The following PTPRN2 variants were observed in gnomAD, a reference collection of about 807,000 sequenced individuals.
The protein encoded by PTPRN2 is receptor-type tyrosine-protein phosphatase N2.
A neutral mutation model predicts 118.8 loss-of-function variants in PTPRN2; 74 were observed. That is an observed-to-expected ratio of 0.62 (90% CI 0.52 to 0.76). The LOEUF (loss-of-function observed/expected upper bound fraction) is 0.76. Among genes scored for constraint, PTPRN2 ranks in the 30% least tolerant of loss-of-function variants. PTPRN2 has a pLI of 0.00. For missense variants in PTPRN2, 1,481 were observed against 1,394.4 expected, an observed-to-expected ratio of 1.06 and a Z score of -0.99; for synonymous variants, 641 against 608.0, an observed-to-expected ratio of 1.05 and a Z score of -0.80.
chr7:158,459,352 G>C (rs1353620811), intron 2 of PTPRN2, among the ~76,000 whole-genome samples: 1 of 118,400 alleles, frequency 8.4e-6, no homozygotes, highest in Non-Finnish European at 1.9e-5. Flanking sequence ...ACAGGCTCCA[G>C]AATCCAGAGG....
chr7:157,710,824 G>A (rs12698106), intron 12 of PTPRN2, among the ~76,000 whole-genome samples: 8,832 of 118,320 alleles, frequency 0.075, 1,659 homozygotes, highest in Non-Finnish European at 0.12. Flanking sequence ...CGGAGGTTCC[G>A]GGGCAGCCGG....
chr7:158,266,157 G>A (rs1209388604), intron 3 of PTPRN2, among the ~76,000 whole-genome samples: 7 of 796 alleles, frequency 8.8e-3, no homozygotes, highest in African/African-American at 0.027. Flanking sequence ...CGTCTGCTGC[G>A]GGGTATTGTC....
chr7:158,092,213 T>C (rs911100841), intron 10 of PTPRN2, among the ~76,000 whole-genome samples: 1 of 151,294 alleles, frequency 6.6e-6, no homozygotes, highest in African/African-American at 2.4e-5. Flanking sequence ...TGCATATATA[T>C]ATATACACAC....
chr7:157,975,345 G>T (rs1802661136), intron 11 of PTPRN2, among the ~76,000 whole-genome samples: 2 of 152,140 alleles, frequency 1.3e-5, no homozygotes, highest in South Asian at 2.1e-4. Flanking sequence ...CTGGATGCCA[G>T]CCCCTGTCTC....
At chr7:158,325,681 A>T (rs1803445667) in intron 2 of PTPRN2, among the ~76,000 whole-genome samples, 1 of 152,196 alleles carries the variant, frequency 6.6e-6, no homozygotes, top group African/African-American at 2.4e-5. Context: ...GAGGCGTGGG[A>T]GGCTGTATTC....
rs1803987120 is a variant in PTPRN2, at chr7:157,785,661, A to G, written c.1789-102724T>C. Among the ~76,000 whole-genome samples, 2 of 152,130 alleles carry G rather than the reference A, an allele frequency of 1.3e-5. No homozygotes were observed. Among genetic ancestry groups the G allele is most frequent in the African/African-American group, 4.8e-5 (2 of 41,430 alleles). ...CGGTGGGCAGAGGGCAGAGACGGAG[A>G]CCGTGGGCACAGCACACCAAGGGGG... is the stretch of plus-strand genomic sequence containing the variant. On this transcript the variant is annotated intron_variant, in intron 12 of 22. Transcript: ENST00000389418. The surrounding 1 kb of genome is among the most constrained non-coding windows in gnomAD (Gnocchi z 7.3).
chr7:157,641,750 G>A (rs988324137), intron 14 of PTPRN2, among the ~76,000 whole-genome samples: 4 of 152,164 alleles, frequency 2.6e-5, no homozygotes, highest in African/African-American at 9.7e-5. Context: ...TGCATCCTAA[G>A]TGCTCCCACC....
At chr7:158,409,586 G>A (rs548429061) in intron 2 of PTPRN2, among the ~76,000 whole-genome samples, 134 of 152,278 alleles carry the variant, frequency 8.8e-4, no homozygotes, top group African/African-American at 3.0e-3. Context: ...CTCAAACTCC[G>A]GCAGGAGAAT....
At chr7:158,051,851 A>G (rs114183593) in intron 11 of PTPRN2, among the ~76,000 whole-genome samples, 2,247 of 152,360 alleles carry the variant, frequency 0.015, 59 homozygotes, top group African/African-American at 0.052. Flanking sequence ...GGCATCTGTA[A>G]ACAGCTTTGC....
At chr7:158,467,294 G>A (rs1819465744) in intron 2 of PTPRN2, among the ~76,000 whole-genome samples, 3 of 151,740 alleles carry the variant, frequency 2.0e-5, no homozygotes, top group South Asian at 4.2e-4. Flanking sequence ...TTTTTTTTGT[G>A]TGTTGTTTGT....
chr7:158,348,791 C>T (rs979925380), intron 2 of PTPRN2, among the ~76,000 whole-genome samples: 1 of 152,186 alleles, frequency 6.6e-6, no homozygotes, highest in African/African-American at 2.4e-5. Flanking sequence ...TCACTCATTC[C>T]ATCCCCATCC....
chr7:158,091,615 G>A (rs535431358), intron 10 of PTPRN2, among the ~76,000 whole-genome samples: 3 of 151,108 alleles, frequency 2.0e-5, no homozygotes, highest in Non-Finnish European at 4.4e-5. Context: ...TAGAGAGATG[G>A]TTGGGTGAGT....
chr7:157,770,434 C>T (rs1490198353), intron 12 of PTPRN2, among the ~76,000 whole-genome samples: 1 of 152,172 alleles, frequency 6.6e-6, no homozygotes, highest in African/African-American at 2.4e-5. Flanking sequence ...CACCTCTTTA[C>T]GTTAAACCGG....
intron 2 of PTPRN2, among the ~76,000 whole-genome samples, chr7:158,378,439 G>A (rs552480855): frequency 4.6e-5 from 7 of 152,130 alleles, no homozygotes; most frequent in Non-Finnish European, 7.4e-5. Flanking sequence ...AGGGGGAACC[G>A]CAGGTCCCAG....
At chr7:157,703,091 A>G (rs1242786) in intron 12 of PTPRN2, among the ~76,000 whole-genome samples, 133,785 of 152,218 alleles carry the variant, frequency 0.88, 58,991 homozygotes, top group Non-Finnish European at 0.91. Flanking sequence ...CAAAGGGAGT[A>G]TCCTGAAATT....
intron 2 of PTPRN2, among the ~76,000 whole-genome samples, chr7:158,340,518 C>A (rs1340902875): frequency 7.8e-6 from 1 of 128,404 alleles, no homozygotes; most frequent in African/African-American, 2.9e-5. Context: ...CTCACACCCA[C>A]ATTCTCACCA....
At chr7:158,428,361 G>A (rs946629981) in intron 2 of PTPRN2, among the ~76,000 whole-genome samples, 21 of 152,250 alleles carry the variant, frequency 1.4e-4, no homozygotes, top group Non-Finnish European at 2.6e-4. Context: ...CAAGACCCTC[G>A]GGGGAACCCT....
intron 9 of PTPRN2, among the ~76,000 whole-genome samples, chr7:158,117,664 T>C (rs2150384963): frequency 6.6e-6 from 1 of 152,234 alleles, no homozygotes; most frequent in South Asian, 2.1e-4. Context: ...CTCTTACATT[T>C]GAAAGCAGCA....
chr7:158,337,616 G>T (rs201708227), intron 2 of PTPRN2, among the ~76,000 whole-genome samples: 3,506 of 30,436 alleles, frequency 0.12, 238 homozygotes, highest in Non-Finnish European at 0.17. Flanking sequence ...CTCACCATAA[G>T]AGGAGACACC....
Sources: gnomAD v4.1 joint callset for allele counts (sites outside exome capture counted in the v4.1 genomes callset) on GRCh38, gnomAD v4.1.1 for gene constraint, Gnocchi (gnomAD v3.1) non-coding constraint, MANE v1.5 for transcripts, NCBI Gene and HGNC (gene_info 2026-07-23, HGNC 2026-07-21) for gene names.